The following SLC24A2 variants were observed in gnomAD, a reference collection of about 807,000 sequenced individuals.
The protein encoded by SLC24A2 is sodium/potassium/calcium exchanger 2.
SLC24A2 carries 36 observed loss-of-function variants against 62.0 expected under a neutral mutation model. The ratio of observed to expected loss-of-function variants is 0.58; its 90% CI spans 0.44 to 0.77. The LOEUF (loss-of-function observed/expected upper bound fraction) is 0.77, where lower values mean the gene tolerates loss of function less well. Ranked by LOEUF, SLC24A2 falls within the 30% of genes least tolerant of loss-of-function variation. The pLI, the probability that SLC24A2 is intolerant of heterozygous loss-of-function variation, is 0.00. For missense variants in SLC24A2, 846 were observed against 817.9 expected, an observed-to-expected ratio of 1.03 and a Z score of -0.42; for synonymous variants, 358 against 294.0, an observed-to-expected ratio of 1.22 and a Z score of -2.23.
the SLC24A2 span, among the ~76,000 whole-genome samples, chr9:20,226,564 T>C: frequency 6.6e-6 from 1 of 152,122 alleles, no homozygotes; most frequent in African/African-American, 2.4e-5. Flanking sequence ...ATGAATTGTG[T>C]GCCTACTGCA....
the SLC24A2 span, among the ~76,000 whole-genome samples, chr9:20,206,085 C>A: frequency 0.46 from 69,752 of 151,912 alleles, 17,999 homozygotes; most frequent in Non-Finnish European, 0.6. Context: ...TAAGATAGAC[C>A]AATAAATTTT....
At chr9:19,859,811 A>G in the SLC24A2 span, among the ~76,000 whole-genome samples, 1 of 152,128 alleles carries the variant, frequency 6.6e-6, no homozygotes, top group Admixed American at 6.6e-5. Context: ...AGCAACTGTA[A>G]GACATTAAAC....
At chr9:20,274,604 G>T in the SLC24A2 span, among the ~76,000 whole-genome samples, 1 of 152,080 alleles carries the variant, frequency 6.6e-6, no homozygotes, top group Non-Finnish European at 1.5e-5. Context: ...CCCTGGAAAG[G>T]CTCTAGTCTA....
the SLC24A2 span, among the ~76,000 whole-genome samples, chr9:19,936,012 T>C: frequency 4.6e-5 from 7 of 152,318 alleles, no homozygotes; most frequent in East Asian, 1.4e-3. Context: ...ACAAAGAGTT[T>C]TGAAAGAAAT....
chr9:19,792,118 A>G (rs970253913), upstream of SLC24A2, among the ~76,000 whole-genome samples: 1 of 152,198 alleles, frequency 6.6e-6, no homozygotes, highest in African/African-American at 2.4e-5. Flanking sequence ...GCACCCATAT[A>G]ATTTTCACAT....
At chr9:19,755,922 G>A (rs75547883) in intron 2 of SLC24A2, among the ~76,000 whole-genome samples, 3 of 151,768 alleles carry the variant, frequency 2.0e-5, no homozygotes, top group Non-Finnish European at 4.4e-5. Flanking sequence ...ACAATGGGCT[G>A]TAATTGGATT....
At chr9:19,922,332 T>G in the SLC24A2 span, among the ~76,000 whole-genome samples, 1 of 152,134 alleles carries the variant, frequency 6.6e-6, no homozygotes, top group Non-Finnish European at 1.5e-5. Context: ...TTGCAGGGAA[T>G]TCCTATGATG....
At chr9:19,607,037 C>A (rs1837002879) in intron 4 of SLC24A2, among the ~76,000 whole-genome samples, 2 of 97,962 alleles carry the variant, frequency 2.0e-5, no homozygotes, top group African/African-American at 8.9e-5. Flanking sequence ...GAATGCAAGT[C>A]ATTCAACCTC....
chr9:20,288,560 G>T, the SLC24A2 span, among the ~76,000 whole-genome samples: 1 of 152,050 alleles, frequency 6.6e-6, no homozygotes, highest in Admixed American at 6.6e-5. Context: ...TTTGAGGCCA[G>T]GAGTTTGAGA....
the SLC24A2 span, among the ~76,000 whole-genome samples, chr9:20,039,470 GA>G: frequency 7.2e-5 from 11 of 152,256 alleles, no homozygotes; most frequent in South Asian, 2.1e-3. Flanking sequence ...TTAGGGAGCA[GA>G]AGCTGTGATA....
At chr9:20,237,823 T>C in the SLC24A2 span, among the ~76,000 whole-genome samples, 2 of 152,154 alleles carry the variant, frequency 1.3e-5, no homozygotes, top group African/African-American at 4.8e-5. Flanking sequence ...TAGATAGAAG[T>C]AGTCTCCTCA....
At chr9:20,154,313 G>C in the SLC24A2 span, among the ~76,000 whole-genome samples, 1 of 151,874 alleles carries the variant, frequency 6.6e-6, no homozygotes, top group South Asian at 2.1e-4. Flanking sequence ...GTCACACTGG[G>C]TACTGACAGC....
the SLC24A2 span, among the ~76,000 whole-genome samples, chr9:20,108,164 G>C: frequency 6.6e-6 from 1 of 152,176 alleles, no homozygotes; most frequent in Non-Finnish European, 1.5e-5. Flanking sequence ...TCTCACACCA[G>C]TTAGAATGGC....
the SLC24A2 span, among the ~76,000 whole-genome samples, chr9:19,904,248 C>T: frequency 5.3e-5 from 8 of 152,182 alleles, no homozygotes; most frequent in Admixed American, 5.2e-4. Flanking sequence ...ATTCATGTCA[C>T]ATTTAAGTTT....
chr9:19,528,576 C>T (rs1833542594), intron 8 of SLC24A2, among the ~76,000 whole-genome samples: 1 of 152,082 alleles, frequency 6.6e-6, no homozygotes, highest in African/African-American at 2.4e-5. Flanking sequence ...ATCCATATGC[C>T]AGGAAACCTA....
At chr9:19,827,951 A>G in the SLC24A2 span, among the ~76,000 whole-genome samples, 2 of 152,192 alleles carry the variant, frequency 1.3e-5, no homozygotes, top group East Asian at 3.8e-4. Flanking sequence ...AGTAATTCTC[A>G]CATGTGCATG....
intron 6 of SLC24A2, among the ~76,000 whole-genome samples, chr9:19,576,493 C>G (rs1242481208): frequency 6.6e-6 from 1 of 152,132 alleles, no homozygotes; most frequent in Non-Finnish European, 1.5e-5. Flanking sequence ...AGCAATATCA[C>G]AGGTATAAAA....
In SLC24A2 at chr9:19,682,654, A is replaced by G. The variant is rs151108720; in HGVS notation, c.931-60355T>C. Among the ~76,000 whole-genome samples, 12 of 152,324 alleles carry G rather than the reference A, an allele frequency of 7.9e-5. No homozygotes were observed. The East Asian group carries it at 2.1e-3, about 27-fold the overall frequency. ...CAGGGAGCAGGAGAAACACAGCGTTAAGTAGAGGTGACCTCTAAATACACA... is the reference window on the plus strand; with the variant it reads ...CAGGGAGCAGGAGAAACACAGCGTTGAGTAGAGGTGACCTCTAAATACACA... On this transcript the variant is annotated intron_variant, in intron 2 of 10. Transcript: ENST00000341998.
chr9:19,678,553 C>T (rs1189554978), intron 2 of SLC24A2, among the ~76,000 whole-genome samples: 2 of 152,150 alleles, frequency 1.3e-5, no homozygotes, highest in African/African-American at 2.4e-5. Flanking sequence ...TTCTTGTCTT[C>T]GTTTCTTGAA....
Sources: allele counts gnomAD v4.1 joint callset (sites outside exome capture counted in the v4.1 genomes callset), GRCh38; gene constraint gnomAD v4.1.1; transcripts MANE v1.5; gene names NCBI Gene and HGNC (gene_info 2026-07-23, HGNC 2026-07-21).